Variants in CIMIP5 observed in about 807,000 individuals in gnomAD.
CIMIP5 encodes ciliary microtubule inner protein 5.
the CIMIP5 span, among the ~76,000 whole-genome samples, chr2:11,137,382 AC>A: frequency 1.3e-5 from 2 of 150,668 alleles, no homozygotes; most frequent in African/African-American, 5.0e-5. Context: ...TCAAAAAAAA[AC>A]AAAAAACAAA....
chr2:11,140,865 G>C, the CIMIP5 span, among the ~76,000 whole-genome samples: 2 of 152,046 alleles, frequency 1.3e-5, no homozygotes, highest in South Asian at 2.1e-4. Flanking sequence ...TCTGTGTGGC[G>C]TGCCCGAGAA....
chr2:11,144,106 A>G, the CIMIP5 span: 1 of 1,582,414 alleles, frequency 6.3e-7, no homozygotes, highest in South Asian at 1.2e-5. Flanking sequence ...GATGCAGCCC[A>G]TCTAGGAGCA....
chr2:11,144,599 T>G, the CIMIP5 span: 25,144 of 152,272 alleles, frequency 0.17, 6,009 homozygotes, highest in African/African-American at 0.53. Flanking sequence ...AGATCACAAC[T>G]CTGACATGGG....
At chr2:11,146,258 C>T in the CIMIP5 span, among the ~76,000 whole-genome samples, 5 of 152,140 alleles carry the variant, frequency 3.3e-5, no homozygotes, top group Non-Finnish European at 5.9e-5. Context: ...GCAACTAAAG[C>T]GCAGAGAGGT....
At chr2:11,137,779 C>G in the CIMIP5 span, among the ~76,000 whole-genome samples, 1 of 152,226 alleles carries the variant, frequency 6.6e-6, no homozygotes, top group Non-Finnish European at 1.5e-5. Flanking sequence ...TGAGGCATGG[C>G]TAGGCCAGTG....
the CIMIP5 span, among the ~76,000 whole-genome samples, chr2:11,151,135 C>G: frequency 6.6e-6 from 1 of 152,200 alleles, no homozygotes; most frequent in Non-Finnish European, 1.5e-5. Flanking sequence ...TCTTATCTAC[C>G]TATGACCTGG....
At chr2:11,140,535 G>C in the CIMIP5 span, 8 of 1,574,476 alleles carry the variant, frequency 5.1e-6, no homozygotes, top group Non-Finnish European at 3.5e-6. Context: ...TTTCCTGAAA[G>C]ACTATGACCC....
chr2:11,143,918 A>G, the CIMIP5 span: 4 of 1,577,650 alleles, frequency 2.5e-6, no homozygotes, highest in East Asian at 9.1e-5. Flanking sequence ...CCCTCTCCTC[A>G]GGGCAACAAG....
chr2:11,133,898 G>A, the CIMIP5 span, among the ~76,000 whole-genome samples: 1 of 152,116 alleles, frequency 6.6e-6, no homozygotes, highest in Non-Finnish European at 1.5e-5. Context: ...TGGGTTAGAG[G>A]AGCTGGCTGT....
chr2:11,141,210 T>C, the CIMIP5 span, among the ~76,000 whole-genome samples: 89 of 145,852 alleles, frequency 6.1e-4, 3 homozygotes, highest in South Asian at 0.02. Flanking sequence ...CTCACTGCAA[T>C]CTCCACCTCC....
chr2:11,141,226 T>G, the CIMIP5 span, among the ~76,000 whole-genome samples: 4 of 151,654 alleles, frequency 2.6e-5, no homozygotes, highest in African/African-American at 9.7e-5. Flanking sequence ...CCTCCTGGAT[T>G]CTAGTGATTC....
chr2:11,148,027 G>C, the CIMIP5 span, among the ~76,000 whole-genome samples: 1 of 152,092 alleles, frequency 6.6e-6, no homozygotes. Flanking sequence ...ATGGGCACTT[G>C]GAGACCAAGG....
chr2:11,152,398 T>C, the CIMIP5 span, among the ~76,000 whole-genome samples: 1 of 152,368 alleles, frequency 6.6e-6, no homozygotes, highest in South Asian at 2.1e-4. Flanking sequence ...GTTCAGCCTA[T>C]GCCCAGGAAG....
chr2:11,138,187 T>C, the CIMIP5 span, among the ~76,000 whole-genome samples: 21 of 152,192 alleles, frequency 1.4e-4, no homozygotes, highest in Non-Finnish European at 2.1e-4. Flanking sequence ...CACATGACTG[T>C]GTAGAAAATA....
chr2:11,146,826 G>C, the CIMIP5 span: 1 of 152,308 alleles, frequency 6.6e-6, no homozygotes, highest in East Asian at 1.9e-4. Flanking sequence ...AAGGTCAAGT[G>C]CTCGTCCTTA....
the CIMIP5 span, among the ~76,000 whole-genome samples, chr2:11,143,334 C>T: frequency 1.3e-5 from 2 of 151,976 alleles, no homozygotes; most frequent in African/African-American, 4.8e-5. Context: ...CATGATTCCA[C>T]TAATGTAAAG....
chr2:11,153,746 A>G, the CIMIP5 span, among the ~76,000 whole-genome samples: 1 of 152,098 alleles, frequency 6.6e-6, no homozygotes, highest in African/African-American at 2.4e-5. Flanking sequence ...CAGGAGTTCG[A>G]AACCCCGTCT....
At chr2:11,135,271 C>G in the CIMIP5 span, among the ~76,000 whole-genome samples, 2 of 152,130 alleles carry the variant, frequency 1.3e-5, no homozygotes, top group Non-Finnish European at 2.9e-5. Context: ...TTTGAGGAAC[C>G]TCCATTGTCT....
At chr2:11,138,340 T>C in the CIMIP5 span, among the ~76,000 whole-genome samples, 2 of 152,114 alleles carry the variant, frequency 1.3e-5, no homozygotes, top group Admixed American at 1.3e-4. Flanking sequence ...AGAATTGGGG[T>C]ATATTGCACT....
Sources: gnomAD v4.1 joint callset for allele counts (sites outside exome capture counted in the v4.1 genomes callset) on GRCh38, gnomAD v4.1.1 for gene constraint, MANE v1.5 for transcripts, NCBI Gene and HGNC (gene_info 2026-07-23, HGNC 2026-07-21) for gene names.